The following PPA2 variants were observed in gnomAD, a reference collection of about 807,000 sequenced individuals.
The protein encoded by PPA2 is inorganic pyrophosphatase 2, mitochondrial.
A neutral mutation model predicts 49.5 loss-of-function variants in PPA2; 48 were observed. The observed-to-expected ratio is 0.97, with a 90% CI of 0.77 to 1.23. The LOEUF (loss-of-function observed/expected upper bound fraction) is 1.23, where lower values mean the gene tolerates loss of function less well. Ranked by LOEUF, PPA2 falls within the 50% of genes most tolerant of loss-of-function variation. The pLI, the probability that PPA2 is intolerant of heterozygous loss-of-function variation, is 0.00. For synonymous variants in PPA2, 131 were observed against 139.9 expected (o/e 0.94, Z 0.45); for missense variants, 429 against 410.1 (o/e 1.05, Z -0.40).
chr4:105,402,459 T>C (rs1207890485), intron 7 of PPA2, among the ~76,000 whole-genome samples: 1 of 152,212 alleles, frequency 6.6e-6, no homozygotes, highest in East Asian at 1.9e-4. Flanking sequence ...TTCAGGTATC[T>C]GAAAGGAGTG....
At chr4:105,421,909 G>A (rs1723269011) in intron 7 of PPA2, among the ~76,000 whole-genome samples, 1 of 152,096 alleles carries the variant, frequency 6.6e-6, no homozygotes, top group South Asian at 2.1e-4. Context: ...CAGGTGTGGT[G>A]GCGCGCGCCT....
intron 9 of PPA2, among the ~76,000 whole-genome samples, chr4:105,393,856 GAAAT>G (rs1734026283): frequency 6.6e-6 from 1 of 151,936 alleles, no homozygotes; most frequent in Non-Finnish European, 1.5e-5. Flanking sequence ...AAAGGCAAAA[GAAAT>G]AAAAACTAAC....
intron 3 of PPA2, among the ~76,000 whole-genome samples, chr4:105,449,628 A>C (rs1722583500): frequency 6.6e-6 from 1 of 152,220 alleles, no homozygotes; most frequent in Non-Finnish European, 1.5e-5. Flanking sequence ...ACACAGTGTC[A>C]GAGGTTACGA....
Position 105,449,346 on chromosome 4 carries a change from G to GT in PPA2, c.321+3dup. ...GGTTTCATATTAATAAAGTATATCG[G>GT]TACCTCCATTTTAGCATTTGTCCAC... On this transcript the variant is annotated splice_donor_region_variant and intron_variant, in intron 4 of 11. Coordinates refer to ENST00000341695, the MANE Select transcript of PPA2 (RefSeq NM_176869.3). 6.5e-7 allele frequency: 1 copy of GT among 1,544,604 alleles called. No homozygotes were observed. The highest frequency in any genetic ancestry group is 8.9e-7 in the Non-Finnish European group (1 of 1,125,966).
intron 7 of PPA2, among the ~76,000 whole-genome samples, chr4:105,407,951 CT>C (rs1722561345): frequency 6.6e-6 from 1 of 152,092 alleles, no homozygotes; most frequent in African/African-American, 2.4e-5. Flanking sequence ...TCAAAACTCA[CT>C]GAATTGGATA....
intron 9 of PPA2, among the ~76,000 whole-genome samples, chr4:105,394,571 C>G (rs544982030): frequency 1.8e-4 from 28 of 151,888 alleles, no homozygotes; most frequent in Non-Finnish European, 3.5e-4. Context: ...TCACTCAGAA[C>G]GTGGAACATA....
chr4:105,412,659 A>T (rs1191432640), intron 7 of PPA2, among the ~76,000 whole-genome samples: 1 of 152,212 alleles, frequency 6.6e-6, no homozygotes, highest in East Asian at 1.9e-4. Flanking sequence ...AACCCCATCA[A>T]AAAGTAAGCA....
intron 7 of PPA2, among the ~76,000 whole-genome samples, chr4:105,413,592 C>T (rs980962252): frequency 6.6e-6 from 1 of 152,150 alleles, no homozygotes; most frequent in African/African-American, 2.4e-5. Flanking sequence ...GATGCTGGCA[C>T]AGGATTCTAT....
At chr4:105,390,841 G>C (rs1423315366) in intron 9 of PPA2, among the ~76,000 whole-genome samples, 1 of 152,098 alleles carries the variant, frequency 6.6e-6, no homozygotes, top group Non-Finnish European at 1.5e-5. Flanking sequence ...CTGGGTATAT[G>C]CCCAAAGAAA....
intron 9 of PPA2, among the ~76,000 whole-genome samples, chr4:105,391,040 A>G (rs1733896349): frequency 6.6e-6 from 1 of 150,774 alleles, no homozygotes; most frequent in African/African-American, 2.4e-5. Flanking sequence ...TTGCAGGGAC[A>G]TGGATGAAGC....
chr4:105,402,395 T>A (rs1722248801), intron 7 of PPA2, among the ~76,000 whole-genome samples: 1 of 152,188 alleles, frequency 6.6e-6, no homozygotes, highest in Non-Finnish European at 1.5e-5. Flanking sequence ...GTCAGGGATA[T>A]CCTCTGGTGA....
chr4:105,372,219 T>A (rs886799669), intron 10 of PPA2, among the ~76,000 whole-genome samples: 1 of 152,164 alleles, frequency 6.6e-6, no homozygotes, highest in Non-Finnish European at 1.5e-5. Context: ...CTTTGGCCCC[T>A]TGTGGGGATG....
chr4:105,440,603 ATTGTTAGTGCTCATTTACAATCTGCAT>A (rs1724310442), intron 5 of PPA2, among the ~76,000 whole-genome samples: 1 of 152,204 alleles, frequency 6.6e-6, no homozygotes, highest in African/African-American at 2.4e-5. Context: ...AAATGCTGAG[ATTGTTAGTGCTCATTTACAATCTGCAT>A]GAATGCTACC....
intron 5 of PPA2, among the ~76,000 whole-genome samples, chr4:105,441,374 A>G (rs957812522): frequency 3.9e-5 from 6 of 152,022 alleles, no homozygotes; most frequent in Admixed American, 2.6e-4. Flanking sequence ...GAAAAATACT[A>G]GTTAAAATCA....
chr4:105,439,734 G>A (rs1267515444), intron 5 of PPA2, among the ~76,000 whole-genome samples: 1 of 151,824 alleles, frequency 6.6e-6, no homozygotes, highest in Non-Finnish European at 1.5e-5. Flanking sequence ...TGTGCATAAC[G>A]TGCAGGTTTG....
Position 105,457,015 on chromosome 4 carries a change from C to T in PPA2, c.158-270G>A, listed in dbSNP as rs1363431321. Among the ~76,000 whole-genome samples the T allele has an allele frequency of 2.0e-5, 3 of 151,770 alleles. No homozygotes were observed. In the East Asian group the frequency reaches 5.8e-4, roughly 29 times the overall value. On this transcript the variant is annotated intron_variant, in intron 1 of 11. Coordinates refer to ENST00000341695, the MANE Select transcript of PPA2 (RefSeq NM_176869.3). ...AAATATCCAAAGCAGAAAATATCTA[C>T]AATAGACTAAAACCCAAAATACATA...
chr4:105,393,201 AT>A (rs1240683633), intron 9 of PPA2, among the ~76,000 whole-genome samples: 12 of 152,106 alleles, frequency 7.9e-5, no homozygotes, highest in Admixed American at 5.2e-4. Context: ...TTTGGATTTT[AT>A]GATTCTTAAG....
At chr4:105,384,583 T>G (rs1233823898) in intron 10 of PPA2, among the ~76,000 whole-genome samples, 1 of 152,208 alleles carries the variant, frequency 6.6e-6, no homozygotes, top group East Asian at 1.9e-4. Context: ...ACAGACTGCT[T>G]GTACAAAGAT....
intron 7 of PPA2, among the ~76,000 whole-genome samples, chr4:105,420,101 T>C (rs1474746953): frequency 1.3e-5 from 2 of 152,136 alleles, no homozygotes; most frequent in Admixed American, 6.5e-5. Flanking sequence ...GCCTCCCATA[T>C]AGCTGGGATT....
Sources: allele counts gnomAD v4.1 joint callset (sites outside exome capture counted in the v4.1 genomes callset), GRCh38; gene constraint gnomAD v4.1.1; transcripts MANE v1.5; gene names NCBI Gene and HGNC (gene_info 2026-07-23, HGNC 2026-07-21).